The following NRXN3 variants were observed in gnomAD, a reference collection of about 807,000 sequenced individuals.
NRXN3 encodes the protein neurexin 3.
Under a neutral mutation model 137.6 loss-of-function variants are expected in NRXN3, and 32 were observed. The observed-to-expected ratio is 0.23, with a 90% CI of 0.18 to 0.31. The LOEUF is 0.31. Among genes scored for constraint, NRXN3 ranks in the 10% least tolerant of loss-of-function variants. The pLI, the probability that NRXN3 is intolerant of heterozygous loss-of-function variation, is 1.00. For synonymous variants in NRXN3, 798 were observed against 784.5 expected, an observed-to-expected ratio of 1.02 and a Z score of -0.29; for missense variants, 1,574 against 2,062.5, an observed-to-expected ratio of 0.76 and a Z score of 4.59.
At chr14:78,946,677 G>A (rs933806586) in intron 10 of NRXN3, among the ~76,000 whole-genome samples, 8 of 152,128 alleles carry the variant, frequency 5.3e-5, no homozygotes, top group Admixed American at 2.0e-4. Context: ...GGTGCATGGA[G>A]GAGGCAGTCA....
intron 15 of NRXN3, among the ~76,000 whole-genome samples, chr14:79,122,380 T>A (rs1339896396): frequency 6.6e-6 from 1 of 152,174 alleles, no homozygotes; most frequent in Non-Finnish European, 1.5e-5. Flanking sequence ...TTGGAAAGAA[T>A]GGCAGTGCTA....
chr14:78,554,249 C>T (rs1014190735), intron 4 of NRXN3, among the ~76,000 whole-genome samples: 8 of 152,156 alleles, frequency 5.3e-5, no homozygotes, highest in African/African-American at 1.9e-4. Context: ...GGAGAGAATA[C>T]ATTGAACCTA....
chr14:79,487,920 C>T (rs566040126), intron 16 of NRXN3, among the ~76,000 whole-genome samples: 2 of 152,292 alleles, frequency 1.3e-5, no homozygotes, highest in East Asian at 1.9e-4. Flanking sequence ...TATCACAGAG[C>T]TCATCATGCA....
At chr14:79,789,603 A>G (rs2099139223) in intron 19 of NRXN3, among the ~76,000 whole-genome samples, 1 of 152,116 alleles carries the variant, frequency 6.6e-6, no homozygotes, top group Admixed American at 6.5e-5. Context: ...TTTAGACCTT[A>G]TAGGGTAACT....
chr14:79,643,312 A>C (rs1286192199), intron 16 of NRXN3, among the ~76,000 whole-genome samples: 1 of 135,452 alleles, frequency 7.4e-6, no homozygotes, highest in African/African-American at 2.5e-5. Context: ...TCAGAGGAAA[A>C]ATTTGCTTAT....
intron 15 of NRXN3, among the ~76,000 whole-genome samples, chr14:79,236,258 C>G (rs544510581): frequency 6.6e-6 from 1 of 152,100 alleles, no homozygotes; most frequent in Non-Finnish European, 1.5e-5. Context: ...CAAGAAAGTA[C>G]TCAATGATGT....
At chr14:79,495,530 G>A (rs1281749625) in intron 16 of NRXN3, among the ~76,000 whole-genome samples, 1 of 152,052 alleles carries the variant, frequency 6.6e-6, no homozygotes. Context: ...GTTAAAGTAT[G>A]TAAATTCAGG....
chr14:78,858,794 T>C (rs1363751839), intron 10 of NRXN3, among the ~76,000 whole-genome samples: 1 of 152,232 alleles, frequency 6.6e-6, no homozygotes, highest in Non-Finnish European at 1.5e-5. Flanking sequence ...GAAGTGTTTG[T>C]TCCTGGTGGA....
chr14:79,860,338 A>G lies in NRXN3; in HGVS notation c.4094-1004A>G, dbSNP rs77145886. Among the ~76,000 whole-genome samples, 442 of 152,374 alleles carry G rather than the reference A, an allele frequency of 2.9e-3. 16 individuals are homozygous for G. In the East Asian group the frequency reaches 0.078, roughly 27 times the overall value. ...TGCATACAGCATGAAAGCAATGCAT[A>G]CAAATATTAGACTAATGCAAGGCAA... is the stretch of plus-strand genomic sequence containing the variant. On this transcript the variant is annotated intron_variant, in intron 20 of 20. Transcript: ENST00000335750.
intron 19 of NRXN3, among the ~76,000 whole-genome samples, chr14:79,801,248 C>T (rs1054795253): frequency 6.6e-6 from 1 of 152,152 alleles, no homozygotes; most frequent in South Asian, 2.1e-4. Flanking sequence ...GAACAGATCA[C>T]CTTTGAATGA....
At chr14:78,457,675 C>A (rs1384900683) in intron 4 of NRXN3, among the ~76,000 whole-genome samples, 1 of 152,048 alleles carries the variant, frequency 6.6e-6, no homozygotes, top group African/African-American at 2.4e-5. Flanking sequence ...AGTTAATCTG[C>A]CACAGGTAGA....
chr14:78,247,229 G>A (rs2067825711), intron 2 of NRXN3, among the ~76,000 whole-genome samples: 2 of 152,164 alleles, frequency 1.3e-5, no homozygotes, highest in African/African-American at 2.4e-5. Context: ...AGAATGTGCA[G>A]GCCCATCTCT....
chr14:78,701,528 C>T (rs1174387263), intron 6 of NRXN3, among the ~76,000 whole-genome samples: 3 of 152,138 alleles, frequency 2.0e-5, no homozygotes, highest in Non-Finnish European at 2.9e-5. Flanking sequence ...AAGGATTTTG[C>T]TACTTCAACG....
rs1467768449 is a variant in NRXN3 at position 78,645,352 on chromosome 14, G to A, written c.990G>A (p.Val330=). Residue 330 remains valine, a synonymous_variant, in exon 5 of 21, where the codon GTG becomes GTA. Transcript: ENST00000335750. ...GGTCCGGGGCCTTTGAGGCCATTGT[G>A]GAGCCAGTGAATGGAAAATTCAACG... ...NLGSGAFEAI[V]EPVNGKFNDN... is the part of the protein sequence containing the mutation. The A allele has an allele frequency of 1.9e-6, 3 of 1,598,208 alleles. No homozygotes were observed. Among genetic ancestry groups the A allele is most frequent in the Non-Finnish European group, 2.5e-6 (3 of 1,179,268 alleles).
chr14:79,778,161 A>G (rs1274738888), intron 19 of NRXN3, among the ~76,000 whole-genome samples: 1 of 152,206 alleles, frequency 6.6e-6, no homozygotes, highest in Non-Finnish European at 1.5e-5. Flanking sequence ...TCACGCCTGT[A>G]ATCCCAACAC....
chr14:79,037,139 C>G (rs1444395934), intron 15 of NRXN3, among the ~76,000 whole-genome samples: 1 of 152,074 alleles, frequency 6.6e-6, no homozygotes, highest in Non-Finnish European at 1.5e-5. Flanking sequence ...CAGAAACAGA[C>G]TCTTATGTAA....
intron 17 of NRXN3, among the ~76,000 whole-genome samples, chr14:79,678,227 C>G (rs1304972609): frequency 6.6e-6 from 1 of 152,226 alleles, no homozygotes; most frequent in Non-Finnish European, 1.5e-5. Context: ...TTACTGTATA[C>G]TTTCAAACCC....
At position 79,577,164 on chromosome 14, in the gene NRXN3, T is replaced by C. The variant is rs111508300; in HGVS notation, c.3445-86614T>C. Among the ~76,000 whole-genome samples, 3,162 of 152,308 alleles carry C rather than the reference T, an allele frequency of 0.021. 175 individuals carry two copies. In the East Asian group the frequency reaches 0.25, roughly 12 times the overall value. On this transcript the variant is annotated intron_variant, in intron 16 of 20. Transcript: ENST00000335750. ...TTTGCTCCTCATTCACCTTCCATCA[T>C]GATAGTGAGGCCTCCCAAGCCTTGT...
At chr14:78,715,763 A>G (rs1314650847) in intron 8 of NRXN3, among the ~76,000 whole-genome samples, 1 of 152,182 alleles carries the variant, frequency 6.6e-6, no homozygotes, top group Non-Finnish European at 1.5e-5. Context: ...CATTTGTAAA[A>G]TAGAAATCAG....
Sources: gnomAD v4.1 joint callset for allele counts (sites outside exome capture counted in the v4.1 genomes callset) on GRCh38, gnomAD v4.1.1 for gene constraint, MANE v1.5 for transcripts, NCBI Gene and HGNC (gene_info 2026-07-23, HGNC 2026-07-21) for gene names.